Variants in NTM observed in about 807,000 individuals in gnomAD.
The protein encoded by NTM is IgLON family member 2.
Under a neutral mutation model 42.1 loss-of-function variants are expected in NTM, and 13 were observed. The observed-to-expected ratio is 0.31, with a 90% CI of 0.20 to 0.49. The LOEUF is 0.49. Among genes scored for constraint, NTM ranks in the 20% least tolerant of loss-of-function variants. The pLI is 0.99. For synonymous variants in NTM, 187 were observed against 179.2 expected (o/e 1.04, Z -0.35); for missense variants, 373 against 452.8 (o/e 0.82, Z 1.60).
intron 3 of NTM, among the ~76,000 whole-genome samples, chr11:132,151,782 G>A (rs2071961471): frequency 1.3e-5 from 2 of 152,202 alleles, no homozygotes; most frequent in African/African-American, 4.8e-5. Flanking sequence ...AATAGGGCAG[G>A]AATGAGGGAA....
intron 1 of NTM, among the ~76,000 whole-genome samples, chr11:131,852,833 C>CCCACCCATCCAT (rs1304417337): frequency 6.6e-6 from 1 of 151,188 alleles, no homozygotes; most frequent in African/African-American, 2.4e-5. Context: ...CTTCTATTCA[C>CCCACCCATCCAT]CCACCCATCC....
At chr11:132,085,154 C>T (rs1195528613) in intron 2 of NTM, among the ~76,000 whole-genome samples, 2 of 152,224 alleles carry the variant, frequency 1.3e-5, no homozygotes, top group Admixed American at 1.3e-4. Context: ...AATATTTTAT[C>T]CCAAGGCAAA....
intron 2 of NTM, among the ~76,000 whole-genome samples, chr11:131,961,175 G>T (rs1280615692): frequency 6.6e-6 from 1 of 152,132 alleles, no homozygotes; most frequent in Non-Finnish European, 1.5e-5. Context: ...TCCCAGGAAT[G>T]GTCAAGCAGA....
chr11:131,878,922 G>A (rs996616177), intron 1 of NTM, among the ~76,000 whole-genome samples: 1 of 151,952 alleles, frequency 6.6e-6, no homozygotes, highest in Non-Finnish European at 1.5e-5. Flanking sequence ...CACCTCCCCG[G>A]AGTAACGGCT....
rs562902051 is a variant in NTM, at chr11:131,388,903, T to C, written c.82+18015T>C. ...GGCACGTGCCTGTAATCCCAGCTAA[T>C]TGGGAGGCTGAGGCAGGAGAATTGC... On this transcript the variant is annotated intron_variant, in intron 1 of 8. Transcript: ENST00000683400. Among the ~76,000 whole-genome samples the C allele has an allele frequency of 4.0e-5, 6 of 150,500 alleles. No individual in the cohort carries two copies. In the South Asian group the frequency reaches 6.3e-4, roughly 16 times the overall value.
At chr11:132,209,714 A>G (rs1397404431) in intron 3 of NTM, among the ~76,000 whole-genome samples, 1 of 152,188 alleles carries the variant, frequency 6.6e-6, no homozygotes, top group African/African-American at 2.4e-5. Context: ...TCATCTGGAC[A>G]GCCTTATTAA....
chr11:131,986,983 AG>A (rs2066168750), intron 2 of NTM, among the ~76,000 whole-genome samples: 2 of 152,240 alleles, frequency 1.3e-5, no homozygotes, highest in Non-Finnish European at 2.9e-5. Flanking sequence ...GTTAACCAAG[AG>A]ATGAAAGGGG....
chr11:131,655,409 C>T (rs1010772010), intron 1 of NTM, among the ~76,000 whole-genome samples: 3 of 152,194 alleles, frequency 2.0e-5, no homozygotes, highest in Non-Finnish European at 4.4e-5. Context: ...TAATCTGGTA[C>T]CTTCCTCCTT....
intron 2 of NTM, among the ~76,000 whole-genome samples, chr11:132,112,687 G>T (rs1756314264): frequency 6.7e-6 from 1 of 148,902 alleles, no homozygotes; most frequent in Admixed American, 6.8e-5. Context: ...TGCTGTTTTG[G>T]TCTAACACAC....
intron 7 of NTM, among the ~76,000 whole-genome samples, chr11:132,315,221 A>ACTGT (rs1565460185): frequency 6.6e-6 from 1 of 152,296 alleles, no homozygotes; most frequent in South Asian, 2.1e-4. Flanking sequence ...TTTTTCCAAA[A>ACTGT]CTGTCTCCAG....
rs140574658 is a variant in NTM at position 132,257,661 on chromosome 11, A to C, written c.526+45514A>C. 8.9e-4 allele frequency among the ~76,000 whole-genome samples: 135 copies of C among 152,282 alleles called. 1 individual carries two copies. The highest frequency in any genetic ancestry group is 3.2e-3 in the African/African-American group (133 of 41,562). On this transcript the variant is annotated intron_variant, in intron 4 of 8. Coordinates refer to ENST00000683400, the MANE Select transcript of NTM (RefSeq NM_001352005.2). Reference sequence around the variant, plus strand: ...TCTTCTTCACACTTGATCTCTTTCAATCCCCAGATTCTCATGAGATAGGAA... The same window carrying C: ...TCTTCTTCACACTTGATCTCTTTCACTCCCCAGATTCTCATGAGATAGGAA...
At chr11:131,559,600 A>G (rs2136985684) in intron 1 of NTM, among the ~76,000 whole-genome samples, 1 of 152,356 alleles carries the variant, frequency 6.6e-6, no homozygotes, top group South Asian at 2.1e-4. Flanking sequence ...CCTGAGTTCT[A>G]TATGAGTCAA....
intron 2 of NTM, among the ~76,000 whole-genome samples, chr11:131,994,398 A>C (rs1378369847): frequency 1.3e-5 from 2 of 152,314 alleles, no homozygotes; most frequent in East Asian, 3.9e-4. Flanking sequence ...TTGCTGATGG[A>C]AGTCTAAACA....
At chr11:132,212,709 G>A (rs562827677) in intron 4 of NTM, among the ~76,000 whole-genome samples, 1 of 152,320 alleles carries the variant, frequency 6.6e-6, no homozygotes, top group East Asian at 1.9e-4. Flanking sequence ...CAGATGTTAC[G>A]TAGACCAAAG....
chr11:131,928,945 A>G (rs888200037), intron 2 of NTM, among the ~76,000 whole-genome samples: 9 of 152,212 alleles, frequency 5.9e-5, no homozygotes, highest in Non-Finnish European at 1.0e-4. Flanking sequence ...TTCAATCAGT[A>G]CAAACCTCTT....
In NTM at chr11:132,009,435, G is replaced by T. The variant is rs117715801; in HGVS notation, c.167+97787G>T. 3.7e-3 allele frequency among the ~76,000 whole-genome samples: 562 copies of T among 152,160 alleles called. 4 individuals carry two copies. The highest frequency in any genetic ancestry group is 5.3e-3 in the Non-Finnish European group (359 of 67,976). On this transcript the variant is annotated intron_variant, in intron 2 of 8. Coordinates refer to ENST00000683400, the MANE Select transcript of NTM (RefSeq NM_001352005.2). The stretch of plus-strand genomic sequence containing the variant: ...ATTGAGCCTAAGAGAAAGAGTGTGA[G>T]CAGAAGAAAGGGAATAAAATCCTAC...
chr11:131,559,327 A>G (rs2055893902), intron 1 of NTM, among the ~76,000 whole-genome samples: 1 of 152,226 alleles, frequency 6.6e-6, no homozygotes, highest in African/African-American at 2.4e-5. Flanking sequence ...AAACTTATCT[A>G]CGACTGCTGG....
intron 1 of NTM, among the ~76,000 whole-genome samples, chr11:131,433,713 A>AT (rs57945209): frequency 4.0e-5 from 6 of 151,142 alleles, no homozygotes; most frequent in Admixed American, 1.3e-4. Flanking sequence ...AGTTCTAGAT[A>AT]TTTTTTTTTC....
At chr11:131,956,441 T>C (rs2061561252) in intron 2 of NTM, among the ~76,000 whole-genome samples, 1 of 152,198 alleles carries the variant, frequency 6.6e-6, no homozygotes, top group Non-Finnish European at 1.5e-5. Flanking sequence ...TTCAGCAGGC[T>C]TTCCCAGGCA....
Sources: gnomAD v4.1 joint callset for allele counts (sites outside exome capture counted in the v4.1 genomes callset) on GRCh38, gnomAD v4.1.1 for gene constraint, MANE v1.5 for transcripts, NCBI Gene and HGNC (gene_info 2026-07-23, HGNC 2026-07-21) for gene names.